The following RPTOR variants were observed in gnomAD, a reference collection of about 807,000 sequenced individuals.
The protein encoded by RPTOR is regulatory associated protein of MTOR complex 1, also known as regulatory-associated protein of mTOR.
RPTOR carries 21 observed loss-of-function variants against 169.9 expected under a neutral mutation model. The observed-to-expected ratio is 0.12, with a 90% CI of 0.09 to 0.18. The LOEUF is 0.18. Ranked by LOEUF, RPTOR falls within the 10% of genes least tolerant of loss-of-function variation. RPTOR has a pLI of 1.00. For synonymous variants in RPTOR, 732 were observed against 753.2 expected, an observed-to-expected ratio of 0.97 and a Z score of 0.46; for missense variants, 1,133 against 1,855.9, an observed-to-expected ratio of 0.61 and a Z score of 7.16.
At chr17:80,751,039 G>T (rs1277822553) in intron 5 of RPTOR, among the ~76,000 whole-genome samples, 2 of 152,044 alleles carry the variant, frequency 1.3e-5, no homozygotes, top group Non-Finnish European at 2.9e-5. Context: ...TGGTAGAATG[G>T]GTTATTAATA....
chr17:80,768,871 C>T lies in RPTOR; in HGVS notation c.830+14686C>T, dbSNP rs373266627. On this transcript the variant is annotated intron_variant, in intron 6 of 33. Coordinates refer to ENST00000306801, the MANE Select transcript of RPTOR (RefSeq NM_020761.3). ...TAATCAGTGACGTTAGGTCACATTG[C>T]ATGCAAAAACTGTCAGTGCATTCAG... Among the ~76,000 whole-genome samples the T allele has an allele frequency of 5.9e-5, 9 of 152,282 alleles. No homozygotes were observed. The East Asian group carries it at 1.5e-3, about 26-fold the overall frequency.
chr17:80,798,608 G>A (rs1323385930), intron 7 of RPTOR, among the ~76,000 whole-genome samples: 1 of 151,982 alleles, frequency 6.6e-6, no homozygotes, highest in East Asian at 1.9e-4. Flanking sequence ...TCCTCCCATC[G>A]CATGTGGGAG....
At chr17:80,825,428 G>A (rs1223043963) in intron 9 of RPTOR, among the ~76,000 whole-genome samples, 1 of 151,930 alleles carries the variant, frequency 6.6e-6, no homozygotes, top group African/African-American at 2.4e-5. Flanking sequence ...TGGCCCCTCA[G>A]AAGTTTTCTG....
In RPTOR at chr17:80,562,414, A is replaced by G. The variant is rs912020847; in HGVS notation, c.162+16623A>G. Among the ~76,000 whole-genome samples, 1 of 152,080 alleles carries G rather than the reference A, an allele frequency of 6.6e-6. No homozygotes were observed. The highest frequency in any genetic ancestry group is 1.5e-5 in the Non-Finnish European group (1 of 68,032). ...CCTGCTTGGGGGCTGGGTGGTCATG[A>G]CAGCCTCCCCAGTACACAGTGAGCA... On this transcript the variant is annotated intron_variant, in intron 1 of 33. Coordinates refer to ENST00000306801, the MANE Select transcript of RPTOR (RefSeq NM_020761.3). This position sits in a 1 kb window ranked among gnomAD's most constrained non-coding sequence, Gnocchi z 4.4.
intron 3 of RPTOR, among the ~76,000 whole-genome samples, chr17:80,687,097 G>A (rs1567857739): frequency 2.6e-5 from 4 of 152,304 alleles, no homozygotes. Flanking sequence ...GGTTTTTGCA[G>A]GGCAGGCCCC....
At position 80,891,813 on chromosome 17, in the gene RPTOR, G is replaced by A. The variant is rs752600548; in HGVS notation, c.2077G>A (p.Ala693Thr). ...GTTCATAGAAGAGGAAAAGAACTAC[G>A]CCTTGCCTTCTCCAGCAACCACAGG... ...LQFIEEEKNYALPSPATTEGG... is the reference protein window; with the variant it reads ...LQFIEEEKNYTLPSPATTEGG... Residue 693 changes from alanine (A) to threonine (T), a missense_variant, in exon 18 of 34, where the codon GCC (alanine) becomes ACC (threonine). By Grantham distance (58) the Ala-to-Thr change is moderately conservative. Coordinates refer to ENST00000306801, the MANE Select transcript of RPTOR (RefSeq NM_020761.3). The A allele has an allele frequency of 4.3e-6, 7 of 1,613,622 alleles. No homozygotes were observed. The highest frequency in any genetic ancestry group is 2.2e-5 in the East Asian group (1 of 44,886).
chr17:80,896,749 G>A (rs964258700), intron 20 of RPTOR, among the ~76,000 whole-genome samples: 1 of 152,214 alleles, frequency 6.6e-6, no homozygotes, highest in Admixed American at 6.5e-5. Context: ...TTGTTTGAAT[G>A]GCGCTGAATT....
At chr17:80,634,240 C>CGTACTGTGTGT (rs2065467829) in intron 2 of RPTOR, among the ~76,000 whole-genome samples, 1 of 108,168 alleles carries the variant, frequency 9.2e-6, no homozygotes, top group African/African-American at 3.8e-5. Flanking sequence ...ACTGTGTGTG[C>CGTACTGTGTGT]GTGCATACTG....
At chr17:80,604,547 A>G (rs2065214399) in intron 1 of RPTOR, among the ~76,000 whole-genome samples, 1 of 152,234 alleles carries the variant, frequency 6.6e-6, no homozygotes, top group African/African-American at 2.4e-5. Context: ...CTGTTGGTCC[A>G]GAAGGTAAAA....
chr17:80,590,023 G>T (rs542904682), intron 1 of RPTOR, among the ~76,000 whole-genome samples: 5 of 152,174 alleles, frequency 3.3e-5, no homozygotes, highest in African/African-American at 7.2e-5. Context: ...AGCTAATTTC[G>T]TAGGCAATCT....
chr17:80,830,284 C>G, intron 9 of RPTOR, among the ~76,000 whole-genome samples: 1 of 152,152 alleles, frequency 6.6e-6, no homozygotes, highest in Non-Finnish European at 1.5e-5. Flanking sequence ...GGCCACTGAC[C>G]AGTTCCGACC....
At chr17:80,653,890 T>A (rs1007761640) in intron 3 of RPTOR, among the ~76,000 whole-genome samples, 6 of 152,246 alleles carry the variant, frequency 3.9e-5, no homozygotes, top group African/African-American at 7.2e-5. Context: ...CTGACTTTCC[T>A]CTGTTGCTTC....
intron 3 of RPTOR, among the ~76,000 whole-genome samples, chr17:80,664,558 C>T (rs1453319528): frequency 6.6e-6 from 1 of 152,078 alleles, no homozygotes; most frequent in Non-Finnish European, 1.5e-5. Flanking sequence ...ACTCTTCCCC[C>T]TTTTCTCCTC....
chr17:80,771,195 C>T (rs921802923), intron 6 of RPTOR, among the ~76,000 whole-genome samples: 7 of 152,194 alleles, frequency 4.6e-5, no homozygotes, highest in East Asian at 1.9e-4. Flanking sequence ...TCTTCCTGCA[C>T]TTGGACGTAT....
At chr17:80,636,693 A>T (rs2065509468) in intron 2 of RPTOR, among the ~76,000 whole-genome samples, 1 of 152,088 alleles carries the variant, frequency 6.6e-6, no homozygotes, top group Admixed American at 6.6e-5. Flanking sequence ...TAGCCCCAGT[A>T]TCCCCACTCC....
intron 7 of RPTOR, among the ~76,000 whole-genome samples, chr17:80,817,836 C>T (rs2067339592): frequency 6.6e-6 from 1 of 152,174 alleles, no homozygotes; most frequent in Admixed American, 6.5e-5. Flanking sequence ...AGGGCACCTG[C>T]TTGGCATTTC....
intron 1 of RPTOR, among the ~76,000 whole-genome samples, chr17:80,550,438 TTC>T (rs1443817918): frequency 6.6e-6 from 1 of 152,182 alleles, no homozygotes; most frequent in African/African-American, 2.4e-5. Context: ...TTGGACCCCA[TTC>T]TCTGTTCTGG....
intron 1 of RPTOR, among the ~76,000 whole-genome samples, chr17:80,590,022 C>A (rs776840204): frequency 7.2e-5 from 11 of 152,194 alleles, no homozygotes; most frequent in African/African-American, 2.2e-4. Flanking sequence ...GAGCTAATTT[C>A]GTAGGCAATC....
At position 80,845,411 on chromosome 17, in the gene RPTOR, C is replaced by T. The variant is rs1179718703; in HGVS notation, c.1213-1062C>T. The stretch of plus-strand genomic sequence containing the variant: ...TCCCGCCCTCACCCCAGAGAGTACC[C>T]TCGTTTCCCATTTCACTGAGGAAAC... On this transcript the variant is annotated intron_variant, in intron 10 of 33. Transcript: ENST00000306801. This position sits in a 1 kb window ranked among gnomAD's most constrained non-coding sequence, Gnocchi z 5.4. Among the ~76,000 whole-genome samples the T allele has an allele frequency of 2.6e-5, 4 of 152,190 alleles. No homozygotes were observed. In the East Asian group the frequency reaches 5.8e-4, roughly 22 times the overall value.
Sources: allele counts gnomAD v4.1 joint callset (sites outside exome capture counted in the v4.1 genomes callset), GRCh38; gene constraint gnomAD v4.1.1; non-coding constraint Gnocchi (gnomAD v3.1); transcripts MANE v1.5; gene names NCBI Gene and HGNC (gene_info 2026-07-23, HGNC 2026-07-21).